The following SIN3A variants were observed in gnomAD, a reference collection of about 807,000 sequenced individuals.
SIN3A encodes paired amphipathic helix protein Sin3a.
SIN3A carries 14 observed loss-of-function variants against 146.1 expected under a neutral mutation model. That is an observed-to-expected ratio of 0.10 (90% CI 0.06 to 0.15). The LOEUF (loss-of-function observed/expected upper bound fraction) is 0.15, where lower values mean the gene tolerates loss of function less well. Ranked by LOEUF, SIN3A falls within the 10% of genes least tolerant of loss-of-function variation. SIN3A has a pLI of 1.00. For synonymous variants in SIN3A, 572 were observed against 572.0 expected, an observed-to-expected ratio of 1.00 and a Z score of 0.00; for missense variants, 1,028 against 1,576.0, an observed-to-expected ratio of 0.65 and a Z score of 5.89.
In SIN3A at chr15:75,445,699, C is replaced by T. The variant is rs200770495; in HGVS notation, c.-34+5724G>A. Among the ~76,000 whole-genome samples the T allele has an allele frequency of 4.8e-5, 7 of 145,828 alleles. No homozygotes were observed. The South Asian group carries it at 8.5e-4, about 18-fold the overall frequency. On this transcript the variant is annotated intron_variant, in intron 1 of 20. Transcript: ENST00000394947. The stretch of plus-strand genomic sequence containing the variant: ...GTGTATGTGTGTGTGTGCAATGAGC[C>T]GAGATAGTACCACTGCACTCTAGCC...
intron 12 of SIN3A, among the ~76,000 whole-genome samples, chr15:75,396,991 T>C (rs1444340017): frequency 4.6e-5 from 7 of 152,216 alleles, no homozygotes; most frequent in African/African-American, 7.2e-5. Context: ...ACTTGAAATA[T>C]TTAAATATAT....
At chr15:75,452,681 C>T (rs914767898), upstream of SIN3A, among the ~76,000 whole-genome samples, 1 of 152,212 alleles carries the variant, frequency 6.6e-6, no homozygotes, top group African/African-American at 2.4e-5. Flanking sequence ...ACCGCCCTGG[C>T]AAGCCTCCGG....
Position 75,400,781 on chromosome 15 carries a change from T to C in SIN3A, c.1686A>G (p.Pro562=), listed in dbSNP as rs549324463. The change falls in exon 11 of 21, where the codon CCA becomes CCG. Residue 562 remains proline (P), a synonymous_variant. Coordinates refer to ENST00000394947, the MANE Select transcript of SIN3A (RefSeq NM_001145358.2). ...KRLGSSYRAL[P]KSYQQPKCTG... is the part of the protein sequence containing the mutation. ...TACACTTGGGCTGCTGGTAACTCTT[T>C]GGTAAGGCTCGATAGCTGGAGCCCA... The C allele has an allele frequency of 1.2e-6, 2 of 1,614,070 alleles. No individual in the cohort carries two copies. The highest frequency in any genetic ancestry group is 2.2e-5 in the East Asian group (1 of 44,882).
chr15:75,405,127 G>A (rs962699334), intron 9 of SIN3A, among the ~76,000 whole-genome samples: 1 of 151,952 alleles, frequency 6.6e-6, no homozygotes, highest in Non-Finnish European at 1.5e-5. Context: ...AGCACTTTGG[G>A]AGGCGAAGGA....
intron 1 of SIN3A, among the ~76,000 whole-genome samples, chr15:75,450,388 C>T (rs947572543): frequency 2.0e-4 from 30 of 152,258 alleles, no homozygotes; most frequent in African/African-American, 7.2e-4. Context: ...AGCCCCGCCC[C>T]GTACAGCCAC....
Position 75,384,180 on chromosome 15 carries a change from C to A in SIN3A, c.3195+84G>T, listed in dbSNP as rs566698556. 2.7e-6 allele frequency: 3 copies of A among 1,130,786 alleles called. No homozygotes were observed. The Admixed American group carries it at 6.8e-5, about 26-fold the overall frequency. 70.0% of individuals were successfully genotyped at this position (1,130,786 alleles called of 1,614,324 possible). A position where few individuals can be genotyped will look rare whatever the true frequency, so the allele number is the denominator to read the frequency against. ...AGGAGTAGAATCACAGGTCAAAGTACCCCGGCTTTAACTTCTGGTTCAGAG... is the reference window on the plus strand; with the variant it reads ...AGGAGTAGAATCACAGGTCAAAGTAACCCGGCTTTAACTTCTGGTTCAGAG... On this transcript the variant is annotated intron_variant, in intron 17 of 20. Coordinates refer to ENST00000394947, the MANE Select transcript of SIN3A (RefSeq NM_001145358.2).
chr15:75,406,414 G>A (rs942507482), intron 9 of SIN3A, among the ~76,000 whole-genome samples: 9 of 152,178 alleles, frequency 5.9e-5, no homozygotes, highest in Admixed American at 1.3e-4. Context: ...TCGGCCAGGC[G>A]CGGTGGCTCA....
intron 1 of SIN3A, among the ~76,000 whole-genome samples, chr15:75,432,986 G>C (rs1247019246): frequency 6.6e-6 from 1 of 152,026 alleles, no homozygotes; most frequent in Non-Finnish European, 1.5e-5. Context: ...AGGTTGCAGT[G>C]AGCAAATTCG....
At chr15:75,384,946 G>A (rs2073051541) in intron 16 of SIN3A, among the ~76,000 whole-genome samples, 1 of 152,092 alleles carries the variant, frequency 6.6e-6, no homozygotes, top group Non-Finnish European at 1.5e-5. Context: ...GGCCGAGGTG[G>A]GCCAATCACC....
At chr15:75,440,377 G>A (rs958563484) in intron 1 of SIN3A, among the ~76,000 whole-genome samples, 1 of 151,452 alleles carries the variant, frequency 6.6e-6, no homozygotes, top group Non-Finnish European at 1.5e-5. Flanking sequence ...AATTACAGGT[G>A]TGTGCCACTA....
At chr15:75,401,615 G>A (rs1320048188) in intron 10 of SIN3A, among the ~76,000 whole-genome samples, 1 of 152,114 alleles carries the variant, frequency 6.6e-6, no homozygotes, top group Non-Finnish European at 1.5e-5. Context: ...TCCAGCACTG[G>A]TTAGAAGATC....
intron 2 of SIN3A, among the ~76,000 whole-genome samples, chr15:75,423,675 C>T (rs2073878001): frequency 6.6e-6 from 1 of 152,044 alleles, no homozygotes; most frequent in South Asian, 2.1e-4. Context: ...AAGACTCCAT[C>T]TCAAAAACAA....
chr15:75,377,407 T>C (rs1385253859), intron 19 of SIN3A, among the ~76,000 whole-genome samples: 1 of 152,072 alleles, frequency 6.6e-6, no homozygotes, highest in Non-Finnish European at 1.5e-5. Context: ...GGCAGATCAC[T>C]TGAGGTCAGG....
intron 8 of SIN3A, among the ~76,000 whole-genome samples, chr15:75,407,626 C>G (rs1042662098): frequency 7.2e-5 from 11 of 152,034 alleles, no homozygotes; most frequent in African/African-American, 2.7e-4. Flanking sequence ...GGCATGGTGA[C>G]TCATGCCTGT....
chr15:75,394,761 C>G lies in SIN3A; in HGVS notation c.2196G>C (p.Gln732His). 1 of 1,614,112 alleles carries G rather than the reference C, an allele frequency of 6.2e-7. No individual in the cohort carries two copies. The change falls in exon 14 of 21, where the codon CAG becomes CAC. Residue 732 changes from glutamine to histidine, a missense_variant. Physicochemically the swap from Gln to His is conservative, Grantham distance 24. Transcript: ENST00000394947. ...TGTCATTCTGTTTAAAGTTGATCCCCTGGTGGTCCAGAGACTTCAAGTAGT... is the reference window on the plus strand; with the variant it reads ...TGTCATTCTGTTTAAAGTTGATCCCGTGGTGGTCCAGAGACTTCAAGTAGT... ...EKYYLKSLDH[Q>H]GINFKQNDTK...
chr15:75,444,313 C>T (rs948602175), intron 1 of SIN3A, among the ~76,000 whole-genome samples: 2 of 152,070 alleles, frequency 1.3e-5, no homozygotes, highest in Non-Finnish European at 2.9e-5. Context: ...TGGTGGTACA[C>T]ACCTGTAATC....
intron 3 of SIN3A, chr15:75,422,426 T>C: frequency 1.6e-6 from 1 of 621,340 alleles, no homozygotes. Context: ...CCGACATGCA[T>C]TCATACAGTC....
intron 19 of SIN3A, among the ~76,000 whole-genome samples, chr15:75,380,136 T>C (rs1393723214): frequency 2.0e-5 from 3 of 152,258 alleles, no homozygotes; most frequent in African/African-American, 7.2e-5. Flanking sequence ...ACAGAGTCTC[T>C]AATGAGCTGC....
intron 3 of SIN3A, among the ~76,000 whole-genome samples, chr15:75,418,018 T>C (rs1216347134): frequency 6.6e-6 from 1 of 151,774 alleles, no homozygotes; most frequent in African/African-American, 2.4e-5. Context: ...TATTTTATTA[T>C]TTATTTTATT....
Sources: allele counts gnomAD v4.1 joint callset (sites outside exome capture counted in the v4.1 genomes callset), GRCh38; gene constraint gnomAD v4.1.1; transcripts MANE v1.5; gene names NCBI Gene and HGNC (gene_info 2026-07-23, HGNC 2026-07-21).